Variants in XPO5 observed in about 807,000 individuals in gnomAD.
XPO5 encodes the protein exportin 5.
XPO5 carries 46 observed loss-of-function variants against 160.6 expected under a neutral mutation model. The observed-to-expected ratio is 0.29, with a 90% CI of 0.23 to 0.37. The LOEUF (loss-of-function observed/expected upper bound fraction) is 0.37. XPO5 is among the 10% of genes least tolerant of loss of function. XPO5 has a pLI of 1.00. For missense variants in XPO5, 1,090 were observed against 1,463.9 expected (o/e 0.74, Z 4.17); for synonymous variants, 537 against 519.3 (o/e 1.03, Z -0.46).
intron 20 of XPO5, 145 bp downstream of exon 20, chr6:43,546,426 C>G (rs1325025099): frequency 2.6e-6 from 2 of 762,014 alleles, no homozygotes; most frequent in Admixed American, 3.9e-5. Context: ...TTTTTTAAAA[C>G]TGAGACACCC....
Position 43,576,031 on chromosome 6 carries a change from C to G in XPO5, c.-167G>C, listed in dbSNP as rs1407301874. The G allele has an allele frequency of 1.7e-6, 1 of 580,330 alleles. No homozygotes were observed. Among genetic ancestry groups the G allele is most frequent in the Non-Finnish European group, 2.9e-6 (1 of 343,794 alleles). 35.9% of individuals were successfully genotyped at this position (580,330 alleles called of 1,614,324 possible). A position where few individuals can be genotyped will look rare whatever the true frequency, so the allele number is the denominator to read the frequency against. On this transcript the variant is annotated 5_prime_UTR_variant, in exon 1 of 32. Coordinates refer to ENST00000265351, the MANE Select transcript of XPO5 (RefSeq NM_020750.3). ...AACTCGCGCTGGGAAGAAGCCGGCG[C>G]TGCGCACGCGCCCGGCCCGCCACTG...
At chr6:43,542,830 A>G (rs1253207285) in intron 20 of XPO5, among the ~76,000 whole-genome samples, 1 of 152,194 alleles carries the variant, frequency 6.6e-6, no homozygotes, top group Non-Finnish European at 1.5e-5. Context: ...AACAGAAAAT[A>G]CACATTTCTT....
intron 27 of XPO5, chr6:43,526,413 G>A (rs986140580): frequency 1.4e-5 from 7 of 490,574 alleles, no homozygotes; most frequent in African/African-American, 3.9e-5. Context: ...GGTCATGGAC[G>A]ATCTCTGGGA....
At chr6:43,568,811 T>C in intron 5 of XPO5, 74 bp from the exon 6 acceptor site, 1 of 1,293,948 alleles carries the variant, frequency 7.7e-7, no homozygotes, top group Non-Finnish European at 1.1e-6. Context: ...CCCCCACAAA[T>C]CAATGCCCTT....
At chr6:43,551,162 G>T in intron 15 of XPO5, 136 bp downstream of exon 15, 1 of 869,790 alleles carries the variant, frequency 1.1e-6, no homozygotes, top group Non-Finnish European at 1.6e-6. Context: ...AGGGTGAGGT[G>T]TGAGGATCCC....
At chr6:43,551,227 A>G in intron 15 of XPO5, 71 bp downstream of exon 15, 1 of 1,431,384 alleles carries the variant, frequency 7.0e-7, no homozygotes. Flanking sequence ...CCTGTCTCCA[A>G]AAAAATAAAA....
intron 6 of XPO5, 71 bp downstream of exon 6, chr6:43,568,640 C>A: frequency 7.6e-7 from 1 of 1,324,392 alleles, no homozygotes; most frequent in Non-Finnish European, 1.0e-6. Flanking sequence ...AGGTCACCAT[C>A]CACTAGGGGC....
At position 43,568,885 on chromosome 6, in the gene XPO5, C is replaced by T. The variant is rs76998507; in HGVS notation, c.622-148G>A. The T allele has an allele frequency of 0.011, 6,982 of 613,980 alleles. 346 individuals are homozygous for T. The highest frequency in any genetic ancestry group is 0.11 in the African/African-American group (5,824 of 53,362). 38.0% of individuals were successfully genotyped at this position (613,980 alleles called of 1,614,324 possible). On this transcript the variant is annotated intron_variant, in intron 5 of 31. Transcript: ENST00000265351. ...GAAAATAACACAACTTTACTAAGCACGCATAACTGATATTCCCCTAGGGAG... is the reference window on the plus strand; with the variant it reads ...GAAAATAACACAACTTTACTAAGCATGCATAACTGATATTCCCCTAGGGAG...
intron 2 of XPO5, 119 bp from the exon 3 acceptor site, chr6:43,572,697 T>C: frequency 1.8e-6 from 2 of 1,127,770 alleles, no homozygotes; most frequent in South Asian, 2.8e-5. Context: ...ATTATACTTT[T>C]GATTTTGTAC....
chr6:43,567,202 G>A lies in XPO5; in HGVS notation c.801C>T (p.Ala267=), dbSNP rs376882691. The A allele has an allele frequency of 1.2e-5, 19 of 1,613,488 alleles. No homozygotes were observed. The highest frequency in any genetic ancestry group is 1.1e-4 in the East Asian group (5 of 44,902). ...LLNEQELQLG[A]AECLLIAVSR... Reference sequence around the variant, plus strand: ...TGACTGCAATGAGAAGACACTCAGCGGCTCCCAACTGAAGTTCCTGTTCAT... The same window carrying A: ...TGACTGCAATGAGAAGACACTCAGCAGCTCCCAACTGAAGTTCCTGTTCAT... The change falls in exon 7 of 32, where the codon GCC becomes GCT. Residue 267 remains alanine (A), a synonymous_variant. Coordinates refer to ENST00000265351, the MANE Select transcript of XPO5 (RefSeq NM_020750.3).
chr6:43,538,102 A>AG (rs1401009968), intron 20 of XPO5, among the ~76,000 whole-genome samples: 1 of 142,704 alleles, frequency 7.0e-6, no homozygotes, highest in Non-Finnish European at 1.5e-5. Flanking sequence ...AAAAAAAAAA[A>AG]GGCAAGGAAC....
At chr6:43,524,261 A>C (rs907831777) in intron 31 of XPO5, among the ~76,000 whole-genome samples, 1 of 151,516 alleles carries the variant, frequency 6.6e-6, no homozygotes, top group South Asian at 2.1e-4. Context: ...CTGAGGCAGG[A>C]GAATCGTTTG....
At chr6:43,559,915 A>C (rs1051770699) in intron 11 of XPO5, among the ~76,000 whole-genome samples, 4 of 152,140 alleles carry the variant, frequency 2.6e-5, no homozygotes, top group Non-Finnish European at 5.9e-5. Context: ...TCCCAAGCTC[A>C]GGTGATCCTC....
At position 43,524,181 on chromosome 6, in the gene XPO5, G is replaced by C. The variant is rs562561967; in HGVS notation, c.3478-176C>G. On this transcript the variant is annotated intron_variant, in intron 31 of 31. Coordinates refer to ENST00000265351, the MANE Select transcript of XPO5 (RefSeq NM_020750.3). ...AGCCTGACCGACATGGAGAAACCCC[G>C]TCTCTACTAAAAATACAAAAAGTAG... is the stretch of plus-strand genomic sequence containing the variant. Among the ~76,000 whole-genome samples the C allele has an allele frequency of 8.5e-5, 13 of 152,134 alleles. No individual in the cohort carries two copies. In the East Asian group the frequency reaches 2.3e-3, roughly 27 times the overall value.
chr6:43,544,439 T>C (rs2127724953), intron 20 of XPO5, among the ~76,000 whole-genome samples: 1 of 152,170 alleles, frequency 6.6e-6, no homozygotes, highest in East Asian at 1.9e-4. Flanking sequence ...GAAAATTATA[T>C]AAAAAAAGAT....
intron 21 of XPO5, among the ~76,000 whole-genome samples, chr6:43,532,870 C>T (rs989801612): frequency 1.3e-5 from 2 of 152,292 alleles, no homozygotes; most frequent in African/African-American, 2.4e-5. Flanking sequence ...GAAGGCCAGG[C>T]GTGGTGGCTC....
At chr6:43,556,024 T>G (rs1172423918) in intron 12 of XPO5, 60 bp from the exon 13 acceptor site, 1 of 1,584,404 alleles carries the variant, frequency 6.3e-7, no homozygotes, top group Non-Finnish European at 8.6e-7. Context: ...AAATAAGTAC[T>G]TAATGTTTAT....
chr6:43,557,884 T>G (rs1392009775), intron 12 of XPO5, among the ~76,000 whole-genome samples: 1 of 147,452 alleles, frequency 6.8e-6, no homozygotes, highest in Non-Finnish European at 1.5e-5. Flanking sequence ...TGACCTGAGG[T>G]CGGGAGTTCG....
intron 1 of XPO5, among the ~76,000 whole-genome samples, chr6:43,575,072 AAGAGC>A (rs1763228186): frequency 6.6e-6 from 1 of 152,196 alleles, no homozygotes; most frequent in African/African-American, 2.4e-5. Flanking sequence ...AGTCAGTCCC[AAGAGC>A]AGAGCATTCG....
Sources: allele counts gnomAD v4.1 joint callset (sites outside exome capture counted in the v4.1 genomes callset), GRCh38; gene constraint gnomAD v4.1.1; transcripts MANE v1.5; gene names NCBI Gene and HGNC (gene_info 2026-07-23, HGNC 2026-07-21).